VARS2: variants seen among roughly 807,000 people sequenced by gnomAD.
VARS2 encodes the protein valine--tRNA ligase, mitochondrial.
A neutral mutation model predicts 154.1 loss-of-function variants in VARS2; 105 were observed. That is an observed-to-expected ratio of 0.68 (90% CI 0.58 to 0.80). VARS2 has a LOEUF of 0.80. Among genes scored for constraint, VARS2 ranks in the 30% least tolerant of loss-of-function variants. The pLI, the probability that VARS2 is intolerant of heterozygous loss-of-function variation, is 0.00. For missense variants in VARS2, 1,157 were observed against 1,361.4 expected (o/e 0.85, Z 2.36); for synonymous variants, 483 against 539.5 (o/e 0.90, Z 1.45).
Position 30,917,643 on chromosome 6 carries a change from A to G in VARS2, c.874-52A>G. On this transcript the variant is annotated intron_variant, in intron 9 of 29. Transcript: ENST00000676266. The surrounding 1 kb of genome is among the most constrained non-coding windows in gnomAD (Gnocchi z 4.4). ...ATGAGTGGCAGAGTGAAGCCTGGGC[A>G]TGAGCCTTGCAGAAAGGCTGCCCTC... 6.7e-7 allele frequency: 1 copy of G among 1,483,944 alleles called. No homozygotes were observed. The highest frequency in any genetic ancestry group is 9.1e-7 in the Non-Finnish European group (1 of 1,100,236). 91.9% of individuals were successfully genotyped at this position (1,483,944 alleles called of 1,614,324 possible).
In VARS2 at chr6:30,926,103, G is replaced by T; in HGVS notation, c.3091-6G>T. The T allele has an allele frequency of 1.2e-6, 2 of 1,613,046 alleles. No homozygotes were observed. The highest frequency in any genetic ancestry group is 1.7e-6 in the Non-Finnish European group (2 of 1,180,016). ...TGGATCCTCACCTCCTTTTCTCCTCGTCCAGCTTTCTTCCCTCCAGCTGGA... is the reference window on the plus strand; with the variant it reads ...TGGATCCTCACCTCCTTTTCTCCTCTTCCAGCTTTCTTCCCTCCAGCTGGA... On this transcript the variant is annotated splice_region_variant and splice_polypyrimidine_tract_variant and intron_variant, in intron 29 of 29. Transcript: ENST00000676266.
rs1264194003 is a variant in VARS2, at chr6:30,920,683, G to C, written c.1413G>C (p.Val471=). Residue 471 remains valine (V), a synonymous_variant, in exon 15 of 30, where the codon GTG becomes GTC. Coordinates refer to ENST00000676266, the MANE Select transcript of VARS2 (RefSeq NM_020442.6). This position sits in a 1 kb window ranked among gnomAD's most constrained non-coding sequence, Gnocchi z 4.6. ...TCTCTTTCAGCCGTTCTGGGGATGT[G>C]ATAGAATACCTGCTGAAGAACCAGT... ...VLPICSRSGD[V]IEYLLKNQWF... 6.3e-7 allele frequency: 1 copy of C among 1,596,842 alleles called. No homozygotes were observed. Among genetic ancestry groups the C allele is most frequent in the African/African-American group, 1.3e-5 (1 of 74,730 alleles).
intron 28 of VARS2, 33 bp from the exon 29 acceptor site, chr6:30,925,847 A>T: frequency 6.2e-7 from 1 of 1,611,710 alleles, no homozygotes; most frequent in Non-Finnish European, 8.5e-7. Flanking sequence ...CAGCAGGCGG[A>T]TGTCTGAGCC....
In VARS2 at chr6:30,926,231, T is replaced by TA; in HGVS notation, c.*21_*22insA. 6.2e-7 allele frequency: 1 copy of TA among 1,611,572 alleles called. No individual in the cohort carries two copies. Among genetic ancestry groups the TA allele is most frequent in the Middle Eastern group, 1.7e-4 (1 of 6,058 alleles). On this transcript the variant is annotated 3_prime_UTR_variant, in exon 30 of 30. Coordinates refer to ENST00000676266, the MANE Select transcript of VARS2 (RefSeq NM_020442.6). ...TCTAACTCATCATCCCCATCAGTTT[T>TA]CCTCCCTCTCAGACCTGTCTTTGAG...
Position 30,916,188 on chromosome 6 carries a change from G to C in VARS2, c.610G>C (p.Val204Leu), listed in dbSNP as rs1452708304. Residue 204 changes from valine (V) to leucine (L), a missense_variant, in exon 7 of 30, where the codon GTG becomes CTG. Coordinates refer to ENST00000676266, the MANE Select transcript of VARS2 (RefSeq NM_020442.6). The surrounding 1 kb of genome is among the most constrained non-coding windows in gnomAD (Gnocchi z 4.0). ...GAAACAACTGTGGAAGGAACGGGGA[G>C]TGAGGAGACATGAGCTGAGCCGGGA... is the stretch of plus-strand genomic sequence containing the variant. The part of the protein sequence containing the change: ...VEKQLWKERG[V>L]RRHELSREAF... The C allele has an allele frequency of 1.2e-6, 2 of 1,613,936 alleles. No individual in the cohort carries two copies. Among genetic ancestry groups the C allele is most frequent in the Non-Finnish European group, 1.7e-6 (2 of 1,179,970 alleles).
At position 30,917,227 on chromosome 6, in the gene VARS2, G is replaced by A; in HGVS notation, c.873+3G>A. On this transcript the variant is annotated splice_donor_region_variant and intron_variant, in intron 9 of 29. Transcript: ENST00000676266. This position sits in a 1 kb window ranked among gnomAD's most constrained non-coding sequence, Gnocchi z 4.4. ...GATCAGCCATCTCGGACATTGAGGT[G>A]AGGCGGAGAGAGGGAAGCAGGTTTG... 1 of 1,614,148 alleles carries A rather than the reference G, an allele frequency of 6.2e-7. No individual in the cohort carries two copies.
chr6:30,919,594 A>T lies in VARS2; in HGVS notation c.1075-164A>T, dbSNP rs1285745386. 1 of 519,294 alleles carries T rather than the reference A, an allele frequency of 1.9e-6. No homozygotes were observed. The highest frequency in any genetic ancestry group is 1.9e-5 in the African/African-American group (1 of 51,956). 32.2% of individuals were successfully genotyped at this position (519,294 alleles called of 1,614,324 possible). On this transcript the variant is annotated intron_variant, in intron 11 of 29. Transcript: ENST00000676266. The surrounding 1 kb of genome is among the most constrained non-coding windows in gnomAD (Gnocchi z 4.5). ...AGAATGAATTTGTCTCTAGGCCCAAAAGCCTAAAATATCTACATTCTGGCC... is the reference window on the plus strand; with the variant it reads ...AGAATGAATTTGTCTCTAGGCCCAATAGCCTAAAATATCTACATTCTGGCC...
Position 30,922,177 on chromosome 6 carries a change from TG to T in VARS2, c.1869del (p.Phe624SerfsTer36). 6.2e-7 allele frequency: 1 copy of T among 1,612,850 alleles called. No individual in the cohort carries two copies. The highest frequency in any genetic ancestry group is 8.5e-7 in the Non-Finnish European group (1 of 1,179,978). ...SLLETGSDLLLFWVGRMVMLG... is the reference protein window; with the variant it reads ...SLLETGSDLLXFWVGRMVMLG... ...TTGGAAACGGGCAGCGACCTTCTGC[TG>T]TTCTGGGTGGGCCGCATGGTCATGT... On this transcript the variant is annotated frameshift_variant, in exon 20 of 30. Coordinates refer to ENST00000676266, the MANE Select transcript of VARS2 (RefSeq NM_020442.6). LOFTEE classifies it high-confidence loss of function.
At chr6:30,923,572 G>T in intron 25 of VARS2, 67 bp downstream of exon 25, 1 of 1,566,098 alleles carries the variant, frequency 6.4e-7, no homozygotes, top group Non-Finnish European at 8.6e-7. Flanking sequence ...AATTTCCAAG[G>T]CAGAGAGCTC....
In VARS2 at chr6:30,921,265, A is replaced by T; in HGVS notation, c.1592A>T (p.His531Leu). The change falls in exon 17 of 30, where the codon CAT (histidine) becomes CTT (leucine). Residue 531 changes from histidine (H) to leucine (L), a missense_variant. Transcript: ENST00000676266. The surrounding 1 kb of genome is among the most constrained non-coding windows in gnomAD (Gnocchi z 4.6). ...GTCTCCCGGCAGCTGTGGTGGGGCC[A>T]TCAGATTCCAGCCTACCTGGTTGTA... ...WCVSRQLWWG[H>L]QIPAYLVVED... 6.2e-7 allele frequency: 1 copy of T among 1,614,118 alleles called. No individual in the cohort carries two copies. Among genetic ancestry groups the T allele is most frequent in the Non-Finnish European group, 8.5e-7 (1 of 1,180,020 alleles).
chr6:30,923,195 T>C lies in VARS2; in HGVS notation c.2277T>C (p.Ala759=), dbSNP rs1794640539. The C allele has an allele frequency of 6.2e-7, 1 of 1,612,950 alleles. No homozygotes were observed. ...ATGCTCTTCGCTTTATCCTCAATGC[T>C]TTAGGGGAGAAATTTGTGCCACAGC... is the stretch of plus-strand genomic sequence containing the variant. ...IWNALRFILN[A]LGEKFVPQPA... Residue 759 remains alanine (A), a synonymous_variant, in exon 24 of 30, where the codon GCT becomes GCC. Coordinates refer to ENST00000676266, the MANE Select transcript of VARS2 (RefSeq NM_020442.6).
Position 30,921,722 on chromosome 6 carries a change from G to A in VARS2, c.1735+31G>A. 6.4e-7 allele frequency: 1 copy of A among 1,572,000 alleles called. No individual in the cohort carries two copies. The highest frequency in any genetic ancestry group is 8.6e-7 in the Non-Finnish European group (1 of 1,160,032). The stretch of plus-strand genomic sequence containing the variant: ...TGCCTGAGCTGGGGAGGGATGTACA[G>A]GGGAGCGGGGGCCTGGGCATCTGGG... On this transcript the variant is annotated intron_variant, in intron 18 of 29. Transcript: ENST00000676266. This position sits in a 1 kb window ranked among gnomAD's most constrained non-coding sequence, Gnocchi z 4.6.
chr6:30,925,521 C>A (rs764368073), intron 27 of VARS2, 23 bp from the exon 28 acceptor site: 1 of 1,563,022 alleles, frequency 6.4e-7, no homozygotes, highest in Admixed American at 1.9e-5. Flanking sequence ...AGGCCTTGCC[C>A]CTGACAGTTT....
At position 30,916,420 on chromosome 6, in the gene VARS2, T is replaced by C. The variant is rs1794172800; in HGVS notation, c.671+171T>C. 1.7e-6 allele frequency: 1 copy of C among 584,028 alleles called. No homozygotes were observed. The allele number at this position is 584,028 out of a possible 1,614,324, so 36.2% of individuals were successfully genotyped here. On this transcript the variant is annotated intron_variant, in intron 7 of 29. Coordinates refer to ENST00000676266, the MANE Select transcript of VARS2 (RefSeq NM_020442.6). This position sits in a 1 kb window ranked among gnomAD's most constrained non-coding sequence, Gnocchi z 4.0. Reference sequence around the variant, plus strand: ...CATTTGGTGGAGTTTCTAAGCCTTATGTGTGTGGATATTATATATGCATTA... The same window carrying C: ...CATTTGGTGGAGTTTCTAAGCCTTACGTGTGTGGATATTATATATGCATTA...
chr6:30,918,047 C>A (rs947335692), intron 10 of VARS2, among the ~76,000 whole-genome samples: 8 of 149,156 alleles, frequency 5.4e-5, no homozygotes, highest in African/African-American at 1.7e-4. Flanking sequence ...GAGATCAGTT[C>A]TAAGGTATGT....
rs1794801138 is a variant in VARS2 at position 30,925,805 on chromosome 6, A to G, written c.2962-75A>G. ...GGGGCTGGGCTCTATAAAGTAGGGG[A>G]AGGGACCTTCTAATGGAGGATGGAG... On this transcript the variant is annotated intron_variant, in intron 28 of 29. Coordinates refer to ENST00000676266, the MANE Select transcript of VARS2 (RefSeq NM_020442.6). 4.3e-6 allele frequency: 7 copies of G among 1,610,966 alleles called. No homozygotes were observed. In the South Asian group the frequency reaches 7.7e-5, roughly 18 times the overall value.
intron 25 of VARS2, 197 bp downstream of exon 25, chr6:30,923,702 T>C: frequency 5.7e-6 from 4 of 707,050 alleles, no homozygotes; most frequent in Non-Finnish European, 9.0e-6. Flanking sequence ...GTTGCCTGCC[T>C]GTCACCTGGG....
intron 22 of VARS2, 23 bp from the exon 23 acceptor site, chr6:30,922,875 C>T: frequency 6.3e-7 from 1 of 1,589,404 alleles, no homozygotes; most frequent in East Asian, 2.2e-5. Flanking sequence ...CATCTGCCAC[C>T]CTTCTTCTTC....
At chr6:30,918,952 C>A (rs41273021) in intron 11 of VARS2, 37 bp downstream of exon 11, 1 of 1,576,182 alleles carries the variant, frequency 6.3e-7, no homozygotes, top group Non-Finnish European at 8.7e-7. Context: ...TGGCCCGCCC[C>A]GCCAATGGCC....
Sources: allele counts gnomAD v4.1 joint callset (sites outside exome capture counted in the v4.1 genomes callset), GRCh38; gene constraint gnomAD v4.1.1; non-coding constraint Gnocchi (gnomAD v3.1); transcripts MANE v1.5; gene names NCBI Gene and HGNC (gene_info 2026-07-23, HGNC 2026-07-21).